Variants in PRR16 observed in about 807,000 individuals in gnomAD.
The protein encoded by PRR16 is proline rich 16.
A neutral mutation model predicts 18.2 loss-of-function variants in PRR16; 6 were observed. The observed-to-expected ratio is 0.33, with a 90% confidence interval of 0.18 to 0.65. The LOEUF (loss-of-function observed/expected upper bound fraction) is 0.65, where lower values mean the gene tolerates loss of function less well. Among genes scored for constraint, PRR16 ranks in the 30% least tolerant of loss-of-function variants. The pLI, the probability that PRR16 is intolerant of heterozygous loss-of-function variation, is 0.74. For synonymous variants in PRR16, 151 were observed against 147.8 expected, an observed-to-expected ratio of 1.02 and a Z score of -0.16; for missense variants, 412 against 376.6, an observed-to-expected ratio of 1.09 and a Z score of -0.78.
At chr5:120,520,948 T>C (rs1445723334) in intron 1 of PRR16, among the ~76,000 whole-genome samples, 1 of 152,170 alleles carries the variant, frequency 6.6e-6, no homozygotes, top group African/African-American at 2.4e-5. Context: ...CCCCATTAGA[T>C]GGAAATTTGT....
At chr5:120,481,496 A>G (rs115472957) in intron 1 of PRR16, among the ~76,000 whole-genome samples, 1 of 152,204 alleles carries the variant, frequency 6.6e-6, no homozygotes, top group Non-Finnish European at 1.5e-5. Flanking sequence ...TTTAGCATAC[A>G]TGTATTGTAT....
intron 1 of PRR16, among the ~76,000 whole-genome samples, chr5:120,681,823 TG>T (rs1756981792): frequency 6.6e-6 from 1 of 152,252 alleles, no homozygotes; most frequent in African/African-American, 2.4e-5. Context: ...GCTTAATTTT[TG>T]TTACTCTATA....
chr5:120,700,876 C>G, the PRR16 span, among the ~76,000 whole-genome samples: 1 of 152,142 alleles, frequency 6.6e-6, no homozygotes, highest in Non-Finnish European at 1.5e-5. Flanking sequence ...CCGAGAAGAT[C>G]TGGGAAGGAG....
chr5:120,790,601 G>C, the PRR16 span: 1 of 152,284 alleles, frequency 6.6e-6, no homozygotes, highest in African/African-American at 2.4e-5. Context: ...GTTGTCAATT[G>C]CTTGAAAAAT....
intron 1 of PRR16, among the ~76,000 whole-genome samples, chr5:120,623,106 T>G (rs1464305906): frequency 6.6e-6 from 1 of 152,022 alleles, no homozygotes; most frequent in Non-Finnish European, 1.5e-5. Flanking sequence ...ATACCACCAC[T>G]TGAAAATGTA....
chr5:120,705,072 C>T, the PRR16 span, among the ~76,000 whole-genome samples: 1 of 142,206 alleles, frequency 7.0e-6, no homozygotes, highest in Non-Finnish European at 1.5e-5. Context: ...GGCTCAATGT[C>T]CATTGTAAAA....
chr5:120,684,396 A>G (rs58575389), intron 1 of PRR16, among the ~76,000 whole-genome samples: 1 of 152,148 alleles, frequency 6.6e-6, no homozygotes, highest in South Asian at 2.1e-4. Flanking sequence ...TGGTGTTTTC[A>G]TTTTGAGCCC....
rs1192004166 is a variant in PRR16, at chr5:120,613,950, G to A, written c.160-72004G>A. On this transcript the variant is annotated intron_variant, in intron 1 of 1. Coordinates refer to ENST00000407149, the MANE Select transcript of PRR16 (RefSeq NM_001300783.2). ...AGTAAGAGGTTATTAATTCTCTGAAGGAACTTTTAATGTAGTCAGTTGGAT... is the reference window on the plus strand; with the variant it reads ...AGTAAGAGGTTATTAATTCTCTGAAAGAACTTTTAATGTAGTCAGTTGGAT... Among the ~76,000 whole-genome samples, 3 of 152,262 alleles carry A rather than the reference G, an allele frequency of 2.0e-5. No homozygotes were observed. The East Asian group carries it at 5.8e-4, about 29-fold the overall frequency.
intron 1 of PRR16, among the ~76,000 whole-genome samples, chr5:120,573,249 T>C (rs925376664): frequency 1.3e-5 from 2 of 152,196 alleles, no homozygotes; most frequent in African/African-American, 4.8e-5. Context: ...TGTCTCCCTC[T>C]CACACTGTTA....
the PRR16 span, among the ~76,000 whole-genome samples, chr5:120,734,441 T>A: frequency 2.0e-5 from 3 of 152,224 alleles, 1 homozygote; most frequent in African/African-American, 7.2e-5. Flanking sequence ...TTGAGCCTGA[T>A]AATTGTCATT....
intron 1 of PRR16, among the ~76,000 whole-genome samples, chr5:120,553,257 G>T (rs1428747934): frequency 6.6e-6 from 1 of 151,772 alleles, no homozygotes; most frequent in Non-Finnish European, 1.5e-5. Context: ...ACTAGTCTGC[G>T]CCATAACTTG....
Position 120,686,508 on chromosome 5 carries a change from C to T in PRR16, c.714C>T (p.Val238=), listed in dbSNP as rs1757130359. The T allele has an allele frequency of 6.2e-7, 1 of 1,613,822 alleles. No homozygotes were observed. Among genetic ancestry groups the T allele is most frequent in the African/African-American group, 1.3e-5 (1 of 74,874 alleles). ...NREVHLHSEP[V]HPPGKIPHQG... is the part of the protein sequence containing the mutation. The stretch of plus-strand genomic sequence containing the variant: ...AGGTCCACTTACACAGTGAACCTGT[C>T]CACCCACCGGGAAAGATTCCTCACC... The change falls in exon 2 of 2, where the codon GTC becomes GTT. Residue 238 remains valine (V), a synonymous_variant. Transcript: ENST00000407149.
At position 120,464,582 on chromosome 5, in the gene PRR16, C is replaced by A. The variant is rs746241427; in HGVS notation, c.96C>A (p.Ile32=). 9 of 1,586,280 alleles carry A rather than the reference C, an allele frequency of 5.7e-6. No individual in the cohort carries two copies. In the South Asian group the frequency reaches 1.0e-4, roughly 18 times the overall value. ...SKTKVKEQIK[I]IVEDLELVLG... ...CCAAGGTGAAGGAACAGATCAAGAT[C>A]ATCGTGGAGGATTTGGAATTAGTCC... is the stretch of plus-strand genomic sequence containing the variant. Residue 32 remains isoleucine, a synonymous_variant, in exon 1 of 2, where the codon ATC becomes ATA. Coordinates refer to ENST00000407149, the MANE Select transcript of PRR16 (RefSeq NM_001300783.2).
At chr5:120,499,593 T>G (rs901315947) in intron 1 of PRR16, among the ~76,000 whole-genome samples, 1 of 152,136 alleles carries the variant, frequency 6.6e-6, no homozygotes, top group Non-Finnish European at 1.5e-5. Flanking sequence ...CCACTATAAC[T>G]TACATTTGAC....
intron 1 of PRR16, among the ~76,000 whole-genome samples, chr5:120,656,373 A>C (rs1436143232): frequency 1.3e-5 from 2 of 151,318 alleles, no homozygotes; most frequent in Non-Finnish European, 2.9e-5. Context: ...AGTGGTAGCT[A>C]TCATGTGAAA....
chr5:120,618,331 G>A, intron 1 of PRR16: 1 of 315,576 alleles, frequency 3.2e-6, no homozygotes, highest in Non-Finnish European at 4.6e-6. Context: ...TGATTTTGTT[G>A]TTGAGTGCCA....
intron 1 of PRR16, among the ~76,000 whole-genome samples, chr5:120,565,479 A>T (rs1752709032): frequency 6.6e-6 from 1 of 152,208 alleles, no homozygotes; most frequent in Admixed American, 6.5e-5. Context: ...TGTGCAGAAG[A>T]CATTCAGCAC....
At chr5:120,542,965 T>A (rs1251241191) in intron 1 of PRR16, among the ~76,000 whole-genome samples, 43 of 152,322 alleles carry the variant, frequency 2.8e-4, no homozygotes, top group Non-Finnish European at 1.0e-4. Flanking sequence ...TAGGAAACTA[T>A]TTGATGACTT....
the PRR16 span, among the ~76,000 whole-genome samples, chr5:120,752,010 C>G: frequency 2.0e-5 from 3 of 152,008 alleles, no homozygotes; most frequent in Non-Finnish European, 4.4e-5. Flanking sequence ...CTGACTTTTT[C>G]TGAAGAAGCT....
Sources: allele counts gnomAD v4.1 joint callset (sites outside exome capture counted in the v4.1 genomes callset), GRCh38; gene constraint gnomAD v4.1.1; transcripts MANE v1.5; gene names NCBI Gene and HGNC (gene_info 2026-07-23, HGNC 2026-07-21).